CHAC2: variants seen among roughly 807,000 people sequenced by gnomAD.
CHAC2 encodes ChaC glutathione specific gamma-glutamylcyclotransferase 2.
In CHAC2, 20 loss-of-function variants were observed where a neutral mutation model predicts 16.9. The ratio of observed to expected loss-of-function variants is 1.18; its 90% CI spans 0.83 to 1.72. The LOEUF is 1.72. Ranked by LOEUF, CHAC2 falls within the 40% of genes most tolerant of loss-of-function variation. The probability of loss-of-function intolerance (pLI) is 0.00; values close to 1 mark genes in which losing one functional copy is unlikely to be tolerated. For synonymous variants in CHAC2, 91 were observed against 77.3 expected, an observed-to-expected ratio of 1.18 and a Z score of -0.93; for missense variants, 269 against 222.2, an observed-to-expected ratio of 1.21 and a Z score of -1.34.
chr2:53,768,113 T>G, intron 1 of CHAC2, 92 bp downstream of exon 1: 1 of 1,449,536 alleles, frequency 6.9e-7, no homozygotes, highest in African/African-American at 1.4e-5. Flanking sequence ...GAACCACACC[T>G]TAGCGCTTCA....
intron 2 of CHAC2, 86 bp from the exon 3 acceptor site, chr2:53,774,056 A>G (rs750138216): frequency 6.9e-5 from 92 of 1,338,438 alleles, no homozygotes; most frequent in Non-Finnish European, 8.7e-5. Flanking sequence ...AAAAGAATAT[A>G]TGAGATACTC....
chr2:53,768,681 T>G (rs113920225), intron 1 of CHAC2, among the ~76,000 whole-genome samples: 1 of 152,242 alleles, frequency 6.6e-6, no homozygotes, highest in African/African-American at 2.4e-5. Flanking sequence ...CCAGCATTAT[T>G]TTAATGTTAC....
chr2:53,768,062 C>T (rs751401457), intron 1 of CHAC2, 41 bp downstream of exon 1: 5 of 1,604,844 alleles, frequency 3.1e-6, no homozygotes, highest in Middle Eastern at 1.7e-4. Context: ...TGCCCCCTGA[C>T]CCCTGCTCCC....
At position 53,774,580 on chromosome 2, in the gene CHAC2, C is replaced by A. The variant is rs553822167; in HGVS notation, c.*55C>A. The stretch of plus-strand genomic sequence containing the variant: ...ACAATGACAATATGATTTGGAAATA[C>A]GTTTACTTAAAGATCTTATTTTTAA... On this transcript the variant is annotated 3_prime_UTR_variant, in exon 3 of 3. Coordinates refer to ENST00000295304, the MANE Select transcript of CHAC2 (RefSeq NM_001008708.4). 2 of 1,277,260 alleles carry A rather than the reference C, an allele frequency of 1.6e-6. No individual in the cohort carries two copies. The highest frequency in any genetic ancestry group is 1.5e-5 in the African/African-American group (1 of 66,872). 79.1% of individuals were successfully genotyped at this position (1,277,260 alleles called of 1,614,324 possible).
Position 53,774,413 on chromosome 2 carries a change from T to C in CHAC2, c.443T>C (p.Leu148Pro), listed in dbSNP as rs1162173474. 1 of 1,612,656 alleles carries C rather than the reference T, an allele frequency of 6.2e-7. No individual in the cohort carries two copies. The highest frequency in any genetic ancestry group is 1.1e-5 in the South Asian group (1 of 90,318). ...AGAAATACAGAATATCTTTTTGAAC[T>C]TGCAAATTCTATTAGGAACCTTGTG... ...SGRNTEYLFELANSIRNLVPE... is the reference protein window; with the variant it reads ...SGRNTEYLFEPANSIRNLVPE... The change falls in exon 3 of 3, where the codon CTT becomes CCT. Residue 148 changes from leucine (L) to proline (P), a missense_variant. By Grantham distance (98) the Leu-to-Pro change is moderately conservative. Coordinates refer to ENST00000295304, the MANE Select transcript of CHAC2 (RefSeq NM_001008708.4).
intron 2 of CHAC2, among the ~76,000 whole-genome samples, chr2:53,773,709 G>A (rs375966142): frequency 4.0e-4 from 60 of 151,790 alleles, no homozygotes; most frequent in Admixed American, 1.4e-3. Context: ...TATTACAGGC[G>A]TGAGCCACCG....
Position 53,769,730 on chromosome 2 carries a change from C to A in CHAC2, c.135+1709C>A, listed in dbSNP as rs189026031. Among the ~76,000 whole-genome samples, 3 of 152,332 alleles carry A rather than the reference C, an allele frequency of 2.0e-5. No individual in the cohort carries two copies. The East Asian group carries it at 5.8e-4, about 29-fold the overall frequency. ...GCGTGGTGGCGCACGCCAGTAGAGT[C>A]CCAGCTACTCTGGAGGCTGAGGCAG... On this transcript the variant is annotated intron_variant, in intron 1 of 2. Coordinates refer to ENST00000295304, the MANE Select transcript of CHAC2 (RefSeq NM_001008708.4).
chr2:53,772,202 TCTAGCTCTGTCGCCCAGG>T (rs1464952886), intron 2 of CHAC2, among the ~76,000 whole-genome samples: 3 of 151,766 alleles, frequency 2.0e-5, no homozygotes, highest in Non-Finnish European at 4.4e-5. Flanking sequence ...TGAGACAGAG[TCTAGCTCTGTCGCCCAGG>T]CTGGAGTGCA....
intron 2 of CHAC2, among the ~76,000 whole-genome samples, chr2:53,772,454 A>G (rs370991859): frequency 3.4e-4 from 52 of 152,182 alleles, no homozygotes; most frequent in Middle Eastern, 3.4e-3. Context: ...GATTACAGGC[A>G]TGAGCCACCG....
chr2:53,771,437 C>A (rs1304125860), intron 1 of CHAC2, among the ~76,000 whole-genome samples: 1 of 151,982 alleles, frequency 6.6e-6, no homozygotes, highest in East Asian at 1.9e-4. Flanking sequence ...TGCTTGAGCC[C>A]GAGAGTTGGA....
chr2:53,774,018 G>A, intron 2 of CHAC2, 124 bp from the exon 3 acceptor site: 1 of 1,105,760 alleles, frequency 9.0e-7, no homozygotes, highest in Non-Finnish European at 1.3e-6. Flanking sequence ...CTGGGCAACA[G>A]ACAAGACTTC....
chr2:53,774,065 T>C (rs932687938), intron 2 of CHAC2, 77 bp from the exon 3 acceptor site: 1 of 1,362,638 alleles, frequency 7.3e-7, no homozygotes, highest in Non-Finnish European at 1.0e-6. Flanking sequence ...TATGAGATAC[T>C]CCCTTAGATC....
rs1316306503 is a variant in CHAC2 at position 53,774,150 on chromosome 2, A to C, written c.180A>C (p.Val60=). Residue 60 remains valine, a synonymous_variant, in exon 3 of 3, where the codon GTA becomes GTC. Coordinates refer to ENST00000295304, the MANE Select transcript of CHAC2 (RefSeq NM_001008708.4). Reference sequence around the variant, plus strand: ...TTTTCATTTTTCAACAGGGATGTGTATGGGGTGTTGCTTACAGATTGCCAG... The same window carrying C: ...TTTTCATTTTTCAACAGGGATGTGTCTGGGGTGTTGCTTACAGATTGCCAG... ...VTLVEDPAGC[V]WGVAYRLPVG... is the part of the protein sequence containing the mutation. 1.2e-6 allele frequency: 2 copies of C among 1,604,310 alleles called. No homozygotes were observed. The highest frequency in any genetic ancestry group is 3.4e-5 in the Admixed American group (2 of 58,234).
chr2:53,768,746 T>G (rs1282355916), intron 1 of CHAC2, among the ~76,000 whole-genome samples: 1 of 152,246 alleles, frequency 6.6e-6, no homozygotes, highest in Non-Finnish European at 1.5e-5. Context: ...TGATTCACTT[T>G]TCAGTCAGTC....
In CHAC2 at chr2:53,774,691, AAATT is replaced by A. The variant is rs1674211933; in HGVS notation, c.*167_*170del. The A allele has an allele frequency of 1.9e-6, 1 of 523,576 alleles. No homozygotes were observed. The allele number at this position is 523,576 out of a possible 1,614,324, so 32.4% of individuals were successfully genotyped here. A position where few individuals can be genotyped will look rare whatever the true frequency, so the allele number is the denominator to read the frequency against. On this transcript the variant is annotated 3_prime_UTR_variant, in exon 3 of 3. Coordinates refer to ENST00000295304, the MANE Select transcript of CHAC2 (RefSeq NM_001008708.4). The stretch of plus-strand genomic sequence containing the variant: ...AAAATATTGGGATACAGTGAAAGAA[AAATT>A]CAAATTTTAATAACATAAAGATTTC...
chr2:53,768,768 T>C (rs555471020), intron 1 of CHAC2, among the ~76,000 whole-genome samples: 2 of 152,358 alleles, frequency 1.3e-5, no homozygotes, highest in South Asian at 2.1e-4. Flanking sequence ...TACAAAGACA[T>C]TAATCTCAAT....
intron 2 of CHAC2, 32 bp from the exon 3 acceptor site, chr2:53,774,110 A>G (rs767331700): frequency 6.5e-7 from 1 of 1,549,264 alleles, no homozygotes; most frequent in Non-Finnish European, 8.7e-7. Flanking sequence ...TTAGCCTTAT[A>G]ATACCAGTGT....
chr2:53,774,516 T>C lies in CHAC2; in HGVS notation c.546T>C (p.Asn182=), dbSNP rs371086113. Residue 182 remains asparagine (N), a synonymous_variant, in exon 3 of 3, where the codon AAT becomes AAC. Coordinates refer to ENST00000295304, the MANE Select transcript of CHAC2 (RefSeq NM_001008708.4). The stretch of plus-strand genomic sequence containing the variant: ...GTTTAGAAGGGAAACAGAACCTCAA[T>C]TGCATATAATTTAGTCTTCAGAGAA... ...KERLEGKQNL[N]CI 141 of 1,536,202 alleles carry C rather than the reference T, an allele frequency of 9.2e-5. No individual in the cohort carries two copies. The highest frequency in any genetic ancestry group is 1.4e-4 in the South Asian group (11 of 76,208).
Position 53,774,465 on chromosome 2 carries a change from C to G in CHAC2, c.495C>G (p.Phe165Leu). 1 of 1,591,536 alleles carries G rather than the reference C, an allele frequency of 6.3e-7. No homozygotes were observed. The stretch of plus-strand genomic sequence containing the variant: ...CAGAAGAAGCAGATGAGCATCTTTT[C>G]GCTTTGGAAAAATTAGTAAAGGAAC... ...LVPEEADEHL[F>L]ALEKLVKERL... The change falls in exon 3 of 3, where the codon TTC (phenylalanine) becomes TTG (leucine). Residue 165 changes from phenylalanine (F) to leucine (L), a missense_variant. Physicochemically the swap from Phe to Leu is conservative, Grantham distance 22. Coordinates refer to ENST00000295304, the MANE Select transcript of CHAC2 (RefSeq NM_001008708.4).
Sources: allele counts gnomAD v4.1 joint callset (sites outside exome capture counted in the v4.1 genomes callset), GRCh38; gene constraint gnomAD v4.1.1; transcripts MANE v1.5; gene names NCBI Gene and HGNC (gene_info 2026-07-23, HGNC 2026-07-21).